Variants in CDKAL1 observed in about 807,000 individuals in gnomAD.
CDKAL1 encodes the protein threonylcarbamoyladenosine tRNA methylthiotransferase.
A neutral mutation model predicts 68.2 loss-of-function variants in CDKAL1; 32 were observed. The ratio of observed to expected loss-of-function variants is 0.47; its 90% CI spans 0.35 to 0.63. The LOEUF is 0.63. Ranked by LOEUF, CDKAL1 falls within the 30% of genes least tolerant of loss-of-function variation. CDKAL1 has a pLI of 0.00. For missense variants in CDKAL1, 606 were observed against 696.7 expected, an observed-to-expected ratio of 0.87 and a Z score of 1.47; for synonymous variants, 234 against 244.3, an observed-to-expected ratio of 0.96 and a Z score of 0.39.
intron 11 of CDKAL1, among the ~76,000 whole-genome samples, chr6:21,041,573 A>AT (rs371251294): frequency 1.3e-4 from 18 of 142,372 alleles, no homozygotes; most frequent in African/African-American, 2.1e-4. Context: ...TCTATCTTAG[A>AT]TTTTTTTTTT....
At chr6:20,730,817 T>G (rs1329098318) in intron 5 of CDKAL1, among the ~76,000 whole-genome samples, 2 of 126,762 alleles carry the variant, frequency 1.6e-5, no homozygotes, top group East Asian at 2.4e-4. Flanking sequence ...GCACTCCAGC[T>G]GGGGCTAAGA....
intron 4 of CDKAL1, among the ~76,000 whole-genome samples, chr6:20,599,940 T>A (rs918862676): frequency 1.4e-4 from 22 of 152,156 alleles, no homozygotes; most frequent in Non-Finnish European, 2.9e-5. Context: ...GTCAGAAACA[T>A]GTCTGACAAT....
intron 5 of CDKAL1, among the ~76,000 whole-genome samples, chr6:20,720,091 G>A (rs1772272153): frequency 6.6e-6 from 1 of 152,138 alleles, no homozygotes; most frequent in African/African-American, 2.4e-5. Flanking sequence ...GGTTCTCTGA[G>A]GATTGGCTTC....
At chr6:20,952,215 C>T (rs952294569) in intron 9 of CDKAL1, among the ~76,000 whole-genome samples, 2 of 152,152 alleles carry the variant, frequency 1.3e-5, no homozygotes, top group Non-Finnish European at 1.5e-5. Context: ...GCCTCGGCCT[C>T]CCAAAGTGCT....
intron 13 of CDKAL1, among the ~76,000 whole-genome samples, chr6:21,158,090 G>T (rs1283034232): frequency 3.3e-5 from 5 of 152,148 alleles, no homozygotes; most frequent in Admixed American, 3.3e-4. Context: ...ATATGTGTCA[G>T]TATGATGCTT....
intron 2 of CDKAL1, among the ~76,000 whole-genome samples, chr6:20,543,026 T>C (rs1359012110): frequency 6.6e-6 from 1 of 152,240 alleles, no homozygotes; most frequent in Non-Finnish European, 1.5e-5. Flanking sequence ...TCAATAGTGT[T>C]CCATGGTATG....
At chr6:20,896,254 C>T (rs1256841151) in intron 9 of CDKAL1, among the ~76,000 whole-genome samples, 1 of 152,022 alleles carries the variant, frequency 6.6e-6, no homozygotes, top group African/African-American at 2.4e-5. Context: ...GCTCCGCCAC[C>T]ACACCCAGCT....
At chr6:21,064,558 G>A (rs1480496400) in intron 11 of CDKAL1, among the ~76,000 whole-genome samples, 1 of 152,114 alleles carries the variant, frequency 6.6e-6, no homozygotes, top group Non-Finnish European at 1.5e-5. Context: ...TTAACTCTAG[G>A]AAAAATTACA....
chr6:20,887,140 A>C (rs1472851376), intron 9 of CDKAL1, among the ~76,000 whole-genome samples: 1 of 152,252 alleles, frequency 6.6e-6, no homozygotes, highest in Non-Finnish European at 1.5e-5. Context: ...CTATACATGA[A>C]GTACAACCAC....
At chr6:20,704,635 C>A (rs1469062253) in intron 5 of CDKAL1, among the ~76,000 whole-genome samples, 1 of 152,044 alleles carries the variant, frequency 6.6e-6, no homozygotes, top group Admixed American at 6.6e-5. Flanking sequence ...CACATGAGAC[C>A]AAGCTAAATT....
intron 5 of CDKAL1, among the ~76,000 whole-genome samples, chr6:20,692,839 A>C (rs1424863047): frequency 6.6e-5 from 10 of 152,060 alleles, no homozygotes; most frequent in Admixed American, 6.6e-4. Context: ...GTTAAAAGAC[A>C]GTTGTGGCCG....
chr6:21,171,416 G>A (rs1460606672), intron 13 of CDKAL1, among the ~76,000 whole-genome samples: 1 of 152,004 alleles, frequency 6.6e-6, no homozygotes, highest in African/African-American at 2.4e-5. Context: ...GGTTCACCAT[G>A]TTAGCCAGGC....
At chr6:21,203,822 G>A (rs987891735) in intron 15 of CDKAL1, among the ~76,000 whole-genome samples, 10 of 149,828 alleles carry the variant, frequency 6.7e-5, no homozygotes, top group Non-Finnish European at 1.3e-4. Context: ...TCAGCCTCCC[G>A]AGTAGCTGGG....
At chr6:21,001,432 T>A (rs935299815) in intron 11 of CDKAL1, among the ~76,000 whole-genome samples, 2 of 152,106 alleles carry the variant, frequency 1.3e-5, no homozygotes, top group African/African-American at 4.8e-5. Flanking sequence ...TTCCATTACA[T>A]ATCTTTCTAA....
At chr6:21,167,808 G>A (rs748721758) in intron 13 of CDKAL1, among the ~76,000 whole-genome samples, 1 of 152,192 alleles carries the variant, frequency 6.6e-6, no homozygotes, top group Admixed American at 6.5e-5. Flanking sequence ...GGCTTCATAA[G>A]CCTTACTCAA....
chr6:21,106,071 G>C (rs1213727591), intron 12 of CDKAL1, among the ~76,000 whole-genome samples: 1 of 152,196 alleles, frequency 6.6e-6, no homozygotes, highest in Non-Finnish European at 1.5e-5. Context: ...GACTTTACCT[G>C]TTAAGGTAAT....
chr6:20,772,464 C>T (rs1288855490), intron 7 of CDKAL1, among the ~76,000 whole-genome samples: 1 of 152,172 alleles, frequency 6.6e-6, no homozygotes, highest in Non-Finnish European at 1.5e-5. Flanking sequence ...AAAGACATAT[C>T]TGCTTGCAAA....
chr6:21,015,718 G>A (rs925668176), intron 11 of CDKAL1, among the ~76,000 whole-genome samples: 1 of 152,080 alleles, frequency 6.6e-6, no homozygotes, highest in Non-Finnish European at 1.5e-5. Context: ...CTTGAGGTCA[G>A]GAGTTCGAGA....
intron 13 of CDKAL1, among the ~76,000 whole-genome samples, chr6:21,194,031 A>G (rs1778366475): frequency 1.3e-5 from 2 of 152,208 alleles, no homozygotes; most frequent in Admixed American, 1.3e-4. Context: ...AGGGCTTTCA[A>G]AGAGACCACA....
Sources: allele counts gnomAD v4.1 joint callset (sites outside exome capture counted in the v4.1 genomes callset), GRCh38; gene constraint gnomAD v4.1.1; transcripts MANE v1.5; gene names NCBI Gene and HGNC (gene_info 2026-07-23, HGNC 2026-07-21).